The following HIPK2 variants were observed in gnomAD, a reference collection of about 807,000 sequenced individuals.
The protein encoded by HIPK2 is homeodomain-interacting protein kinase 2.
HIPK2 carries 27 observed loss-of-function variants against 113.7 expected under a neutral mutation model. That is an observed-to-expected ratio of 0.24 (90% CI 0.17 to 0.33). HIPK2 has a LOEUF of 0.33. HIPK2 is among the 10% of genes least tolerant of loss of function. The pLI, the probability that HIPK2 is intolerant of heterozygous loss-of-function variation, is 1.00. For synonymous variants in HIPK2, 631 were observed against 642.2 expected, an observed-to-expected ratio of 0.98 and a Z score of 0.26; for missense variants, 1,257 against 1,588.0, an observed-to-expected ratio of 0.79 and a Z score of 3.54.
rs553904442 is a variant in HIPK2 at position 139,635,544 on chromosome 7, C to T, written c.1104-3819G>A. 3.9e-5 allele frequency among the ~76,000 whole-genome samples: 6 copies of T among 152,214 alleles called. No homozygotes were observed. In the East Asian group the frequency reaches 7.7e-4, roughly 20 times the overall value. On this transcript the variant is annotated intron_variant, in intron 2 of 14. Coordinates refer to ENST00000406875, the MANE Select transcript of HIPK2 (RefSeq NM_022740.5). ...ATTTTGACGACTGACGTGACATGAA[C>T]GGGGCCTGGGAAAATTGCTTGTAGT... is the stretch of plus-strand genomic sequence containing the variant.
At chr7:139,615,946 G>A (rs893438730) in intron 7 of HIPK2, among the ~76,000 whole-genome samples, 8 of 144,848 alleles carry the variant, frequency 5.5e-5, no homozygotes, top group Admixed American at 4.7e-4. Context: ...GTGGGCATCA[G>A]TGTCTGTGTT....
At chr7:139,582,707 C>T (rs1392074949) in intron 13 of HIPK2, among the ~76,000 whole-genome samples, 1 of 152,256 alleles carries the variant, frequency 6.6e-6, no homozygotes, top group African/African-American at 2.4e-5. Context: ...TGGCTGTCAC[C>T]ATCTCCCCTT....
chr7:139,575,924 T>A (rs917310805), intron 13 of HIPK2, among the ~76,000 whole-genome samples: 24 of 152,262 alleles, frequency 1.6e-4, no homozygotes, highest in African/African-American at 5.8e-4. Context: ...TGCCAGATGC[T>A]GGCATCCTGT....
At chr7:139,644,028 C>A (rs73156866) in intron 2 of HIPK2, among the ~76,000 whole-genome samples, 26,084 of 152,056 alleles carry the variant, frequency 0.17, 2,551 homozygotes, top group Non-Finnish European at 0.23. Context: ...TGCTTGGTGA[C>A]TTTTGTCAAA....
chr7:139,730,822 G>A (rs1012129416), intron 1 of HIPK2, among the ~76,000 whole-genome samples: 7 of 152,290 alleles, frequency 4.6e-5, no homozygotes, highest in South Asian at 2.1e-4. Flanking sequence ...AAGGTGAGCC[G>A]TAATCCCATA....
intron 11 of HIPK2, among the ~76,000 whole-genome samples, chr7:139,598,935 G>C (rs1268374385): frequency 6.6e-6 from 1 of 152,218 alleles, no homozygotes; most frequent in Non-Finnish European, 1.5e-5. Flanking sequence ...AGCTGCCAAT[G>C]ATCTGAGATA....
intron 2 of HIPK2, among the ~76,000 whole-genome samples, chr7:139,701,839 G>A (rs1029023431): frequency 1.4e-3 from 209 of 152,198 alleles, no homozygotes; most frequent in Non-Finnish European, 2.6e-3. Context: ...GCCTGGAGGC[G>A]GGGGAAGGCA....
At chr7:139,747,605 A>G (rs1041929784) in intron 1 of HIPK2, among the ~76,000 whole-genome samples, 4 of 152,164 alleles carry the variant, frequency 2.6e-5, no homozygotes, top group Admixed American at 2.6e-4. Flanking sequence ...GCATCCAGAA[A>G]ATTCTGCCTG....
chr7:139,575,219 T>G lies in HIPK2; in HGVS notation c.3035A>C (p.His1012Pro). The change falls in exon 14 of 15, where the codon CAC becomes CCC. Residue 1012 changes from histidine (H) to proline (P), a missense_variant. Coordinates refer to ENST00000406875, the MANE Select transcript of HIPK2 (RefSeq NM_022740.5). ...GGCTCCAGATGAGCTCCCTGAAGAG[T>G]GACCGCTGGTGGAGGTCACGTTGCT... is the stretch of plus-strand genomic sequence containing the variant. ...SSSNVTSTSGHSSGSSSGAIT... is the reference protein window; with the variant it reads ...SSSNVTSTSGPSSGSSSGAIT... The G allele has an allele frequency of 6.3e-7, 1 of 1,582,954 alleles. No individual in the cohort carries two copies. The highest frequency in any genetic ancestry group is 8.6e-7 in the Non-Finnish European group (1 of 1,164,718).
chr7:139,713,261 G>T (rs114097609), intron 2 of HIPK2, among the ~76,000 whole-genome samples: 2 of 152,136 alleles, frequency 1.3e-5, no homozygotes, highest in Non-Finnish European at 2.9e-5. Flanking sequence ...ACCCACAGAG[G>T]GGGGCAGGAG....
intron 2 of HIPK2, among the ~76,000 whole-genome samples, chr7:139,700,375 G>A (rs900947384): frequency 2.6e-5 from 4 of 152,168 alleles, no homozygotes; most frequent in African/African-American, 7.2e-5. Context: ...CCTACGTGAT[G>A]GGGACAATAA....
intron 2 of HIPK2, among the ~76,000 whole-genome samples, chr7:139,638,667 T>G (rs1299368988): frequency 1.3e-5 from 2 of 149,334 alleles, no homozygotes; most frequent in African/African-American, 5.0e-5. Context: ...TTTTTTTTTT[T>G]TTTTTTTTGA....
intron 12 of HIPK2, among the ~76,000 whole-genome samples, chr7:139,585,209 C>G (rs1243636472): frequency 3.9e-5 from 6 of 152,176 alleles, no homozygotes; most frequent in Non-Finnish European, 1.5e-5. Flanking sequence ...TCACAGCCAC[C>G]TCCCGGGTAT....
intron 1 of HIPK2, among the ~76,000 whole-genome samples, chr7:139,771,319 C>G (rs1003337141): frequency 3.3e-5 from 5 of 151,938 alleles, no homozygotes; most frequent in African/African-American, 1.2e-4. Flanking sequence ...TTTGTCAGAT[C>G]TACGGGAGAT....
At chr7:139,755,638 G>A (rs1183776333) in intron 1 of HIPK2, among the ~76,000 whole-genome samples, 1 of 152,246 alleles carries the variant, frequency 6.6e-6, no homozygotes, top group Non-Finnish European at 1.5e-5. Context: ...TCTCTGAGAA[G>A]AAGCCTTAAA....
In HIPK2 at chr7:139,641,981, C is replaced by T. The variant is rs189014569; in HGVS notation, c.1104-10256G>A. Among the ~76,000 whole-genome samples the T allele has an allele frequency of 6.6e-5, 10 of 152,276 alleles. No homozygotes were observed. In the East Asian group the frequency reaches 1.3e-3, roughly 21 times the overall value. The stretch of plus-strand genomic sequence containing the variant: ...AATCTCACTTTTTCTCTTGTCTCTA[C>T]GGCAGCTTATGAAGATAAATTATGG... On this transcript the variant is annotated intron_variant, in intron 2 of 14. Coordinates refer to ENST00000406875, the MANE Select transcript of HIPK2 (RefSeq NM_022740.5).
rs562466449 is a variant in HIPK2, at chr7:139,599,811, T to C, written c.2435+606A>G. Among the ~76,000 whole-genome samples the C allele has an allele frequency of 1.2e-4, 18 of 152,332 alleles. 1 individual carries two copies. Among genetic ancestry groups the C allele is most frequent in the Admixed American group, 3.3e-4 (5 of 15,308 alleles). The stretch of plus-strand genomic sequence containing the variant: ...CAGACAAGTAGAAAGTGACAAAAGA[T>C]AATTTGCTTCACCAAACTTTAGTCA... On this transcript the variant is annotated intron_variant, in intron 11 of 14. Transcript: ENST00000406875.
intron 1 of HIPK2, among the ~76,000 whole-genome samples, chr7:139,755,054 G>C (rs755040296): frequency 2.6e-5 from 4 of 152,160 alleles, no homozygotes; most frequent in Non-Finnish European, 5.9e-5. Context: ...AGCATGGGGG[G>C]GATGCACATC....
chr7:139,734,037 A>G (rs2117044168), intron 1 of HIPK2, among the ~76,000 whole-genome samples: 1 of 152,324 alleles, frequency 6.6e-6, no homozygotes, highest in Admixed American at 6.5e-5. Context: ...CCAGTGCTGG[A>G]ATATTCGTTA....
Sources: allele counts gnomAD v4.1 joint callset (sites outside exome capture counted in the v4.1 genomes callset), GRCh38; gene constraint gnomAD v4.1.1; transcripts MANE v1.5; gene names NCBI Gene and HGNC (gene_info 2026-07-23, HGNC 2026-07-21).